COPS7B: variants seen among roughly 807,000 people sequenced by gnomAD.
COPS7B encodes the protein COP9 signalosome complex subunit 7b.
COPS7B carries 9 observed loss-of-function variants against 33.4 expected under a neutral mutation model. That is an observed-to-expected ratio of 0.27 (90% CI 0.16 to 0.47). The LOEUF (loss-of-function observed/expected upper bound fraction) is 0.47. Ranked by LOEUF, COPS7B falls within the 20% of genes least tolerant of loss-of-function variation. The pLI is 0.99. For missense variants in COPS7B, 242 were observed against 318.2 expected, an observed-to-expected ratio of 0.76 and a Z score of 1.82; for synonymous variants, 119 against 126.3, an observed-to-expected ratio of 0.94 and a Z score of 0.39.
At chr2:231,804,557 G>A (rs1265161812) in intron 6 of COPS7B, among the ~76,000 whole-genome samples, 1 of 152,150 alleles carries the variant, frequency 6.6e-6, no homozygotes. Context: ...TAAGCTGATT[G>A]TTTAGTAAAA....
upstream of COPS7B, among the ~76,000 whole-genome samples, chr2:231,785,631 T>C (rs1358633571): frequency 6.6e-6 from 1 of 152,252 alleles, no homozygotes; most frequent in African/African-American, 2.4e-5. Context: ...TGGTTGATGC[T>C]AGGCTCCTTT....
upstream of COPS7B, chr2:231,786,308 G>C: frequency 2.7e-6 from 1 of 374,654 alleles, no homozygotes; most frequent in Non-Finnish European, 3.7e-6. Flanking sequence ...CCGCCCCCTC[G>C]CTCCCACTTC....
chr2:231,791,710 T>C, intron 2 of COPS7B, 23 bp from the exon 3 acceptor site: 3 of 1,611,806 alleles, frequency 1.9e-6, no homozygotes, highest in South Asian at 1.1e-5. Flanking sequence ...TGGTCTGTGG[T>C]GAACTTTTTT....
intron 3 of COPS7B, 48 bp downstream of exon 3, chr2:231,791,856 C>A: frequency 6.6e-7 from 1 of 1,521,350 alleles, no homozygotes; most frequent in South Asian, 1.1e-5. Flanking sequence ...TTATGTTGCT[C>A]AGTTTGGAAG....
intron 6 of COPS7B, 33 bp downstream of exon 6, chr2:231,798,997 C>G: frequency 1.3e-6 from 2 of 1,551,358 alleles, no homozygotes; most frequent in Non-Finnish European, 1.8e-6. Flanking sequence ...GTTTCTCTCT[C>G]CAGGCATACC....
At chr2:231,796,337 T>C (rs776520275) in intron 5 of COPS7B, 29 bp downstream of exon 5, 1 of 1,592,652 alleles carries the variant, frequency 6.3e-7, no homozygotes, top group Non-Finnish European at 8.6e-7. Context: ...GGGGGATATC[T>C]AGCATGTCTT....
rs1412670735 is a variant in COPS7B at position 231,808,189 on chromosome 2, G to T, written c.*544G>T. 1.7e-5 allele frequency: 5 copies of T among 301,878 alleles called. No individual in the cohort carries two copies. The highest frequency in any genetic ancestry group is 4.6e-5 in the African/African-American group (2 of 43,720). The allele number at this position is 301,878 out of a possible 1,614,324, so 18.7% of individuals were successfully genotyped here. On this transcript the variant is annotated 3_prime_UTR_variant, in exon 7 of 7. Transcript: ENST00000350033. The stretch of plus-strand genomic sequence containing the variant: ...GGCAGCTCCAGTTCAGGCCGTGGAG[G>T]GACGTGATGCTGGGCTGTGTTTACT...
At chr2:231,785,220 C>G (rs1332203213), upstream of COPS7B, among the ~76,000 whole-genome samples, 1 of 152,228 alleles carries the variant, frequency 6.6e-6, no homozygotes, top group African/African-American at 2.4e-5. Flanking sequence ...ATCACTCTAA[C>G]AAGGCAATTA....
At chr2:231,797,392 C>G (rs566819411) in intron 5 of COPS7B, among the ~76,000 whole-genome samples, 1 of 152,312 alleles carries the variant, frequency 6.6e-6, no homozygotes, top group East Asian at 1.9e-4. Flanking sequence ...TTTTCAATAG[C>G]TTACAAAACT....
chr2:231,785,115 A>T (rs932528330), upstream of COPS7B, among the ~76,000 whole-genome samples: 2 of 152,156 alleles, frequency 1.3e-5, no homozygotes, highest in Non-Finnish European at 2.9e-5. Context: ...CCGGCAACAC[A>T]ATCTCTTATC....
intron 5 of COPS7B, 144 bp downstream of exon 5, chr2:231,796,452 C>T (rs2049573632): frequency 9.0e-6 from 6 of 668,708 alleles, no homozygotes; most frequent in Admixed American, 2.6e-5. Context: ...GAGAGTGGAG[C>T]TACATTTGTG....
chr2:231,803,222 T>G (rs2049797644), intron 6 of COPS7B, among the ~76,000 whole-genome samples: 1 of 152,008 alleles, frequency 6.6e-6, no homozygotes, highest in African/African-American at 2.4e-5. Flanking sequence ...TCAGGGCAGT[T>G]TGTATGGACC....
chr2:231,796,399 G>A (rs2049571869), intron 5 of COPS7B, 91 bp downstream of exon 5: 5 of 1,208,508 alleles, frequency 4.1e-6, no homozygotes, highest in Non-Finnish European at 5.9e-6. Flanking sequence ...TGAGGGTTTG[G>A]GGTGGGCCTG....
chr2:231,807,561 A>T lies in COPS7B; in HGVS notation c.711A>T (p.Glu237Asp). ...AGGAGATGGAGCAGCAGCTGGCTGA[A>T]CGGGAGTGTCCCCCTCACGCTGAGC... is the stretch of plus-strand genomic sequence containing the variant. ...SAQEMEQQLA[E>D]RECPPHAEQR... Residue 237 changes from glutamate to aspartate, a missense_variant, in exon 7 of 7, where the codon GAA becomes GAT. Coordinates refer to ENST00000350033, the MANE Select transcript of COPS7B (RefSeq NM_022730.4). 1.2e-6 allele frequency: 2 copies of T among 1,612,028 alleles called. No individual in the cohort carries two copies. Among genetic ancestry groups the T allele is most frequent in the Non-Finnish European group, 1.7e-6 (2 of 1,179,190 alleles).
intron 3 of COPS7B, chr2:231,792,102 A>G: frequency 1.7e-6 from 1 of 589,836 alleles, no homozygotes; most frequent in Non-Finnish European, 3.3e-6. Flanking sequence ...AGTGCTGTGA[A>G]GTGCAGAATA....
At chr2:231,784,960 A>C (rs1190087788), upstream of COPS7B, among the ~76,000 whole-genome samples, 1 of 152,202 alleles carries the variant, frequency 6.6e-6, no homozygotes, top group Non-Finnish European at 1.5e-5. Flanking sequence ...TTAGTAGTGC[A>C]TCACCATGCC....
At chr2:231,806,853 C>A (rs570542569) in intron 6 of COPS7B, among the ~76,000 whole-genome samples, 61 of 152,312 alleles carry the variant, frequency 4.0e-4, no homozygotes, top group Non-Finnish European at 8.1e-4. Flanking sequence ...GGAACCAATT[C>A]AAAAAACTGG....
chr2:231,805,497 C>G (rs2049869297), intron 6 of COPS7B, among the ~76,000 whole-genome samples: 1 of 148,198 alleles, frequency 6.7e-6, no homozygotes, highest in African/African-American at 2.5e-5. Context: ...CTGGGTCTTG[C>G]TGTGTCACCC....
chr2:231,805,970 C>T lies in COPS7B; in HGVS notation c.637-1517C>T, dbSNP rs539476556. Among the ~76,000 whole-genome samples, 9 of 152,206 alleles carry T rather than the reference C, an allele frequency of 5.9e-5. 2 individuals are homozygous for T. The South Asian group carries it at 1.7e-3, about 28-fold the overall frequency. The stretch of plus-strand genomic sequence containing the variant: ...AGCCTGCCCTCTGTAATGACTGTTC[C>T]AGCCCACAGTCCTCTGTCATTCTCT... On this transcript the variant is annotated intron_variant, in intron 6 of 6. Transcript: ENST00000350033.
Sources: gnomAD v4.1 joint callset for allele counts (sites outside exome capture counted in the v4.1 genomes callset) on GRCh38, gnomAD v4.1.1 for gene constraint, MANE v1.5 for transcripts, NCBI Gene and HGNC (gene_info 2026-07-23, HGNC 2026-07-21) for gene names.